Variants in ME1 observed in about 807,000 individuals in gnomAD.
The protein encoded by ME1 is NADP-dependent malic enzyme.
A neutral mutation model predicts 66.4 loss-of-function variants in ME1; 74 were observed. The ratio of observed to expected loss-of-function variants is 1.11; its 90% CI spans 0.92 to 1.35. ME1 has a LOEUF of 1.35. Among genes scored for constraint, ME1 ranks in the 40% most tolerant of loss-of-function variants. The pLI is 0.00. For missense variants in ME1, 750 were observed against 694.1 expected, an observed-to-expected ratio of 1.08 and a Z score of -0.90; for synonymous variants, 251 against 235.6, an observed-to-expected ratio of 1.07 and a Z score of -0.60.
intron 9 of ME1, among the ~76,000 whole-genome samples, chr6:83,236,095 T>C (rs1230335608): frequency 1.3e-5 from 2 of 152,114 alleles, no homozygotes; most frequent in Non-Finnish European, 2.9e-5. Context: ...TAACATTATA[T>C]TATGAATCCT....
intron 7 of ME1, among the ~76,000 whole-genome samples, chr6:83,252,644 C>T (rs998192994): frequency 2.6e-5 from 4 of 152,030 alleles, no homozygotes; most frequent in African/African-American, 9.7e-5. Flanking sequence ...GAAGTCTGGG[C>T]TGGCAATATA....
At chr6:83,300,152 T>C (rs1225956554) in intron 6 of ME1, among the ~76,000 whole-genome samples, 1 of 152,146 alleles carries the variant, frequency 6.6e-6, no homozygotes, top group African/African-American at 2.4e-5. Flanking sequence ...GGGAGAGGAC[T>C]CCCTATTCAA....
chr6:83,324,716 CAAAAAAAAAAAAAAAAA>C (rs55866196), intron 5 of ME1, among the ~76,000 whole-genome samples: 1 of 49,306 alleles, frequency 2.0e-5, no homozygotes, highest in Non-Finnish European at 3.7e-5. Context: ...GCCTACCAAC[CAAAAAAAAAAAAAAAAA>C]AAAAAAAGCC....
intron 3 of ME1, among the ~76,000 whole-genome samples, chr6:83,386,465 G>A (rs1326256007): frequency 6.6e-6 from 1 of 151,800 alleles, no homozygotes; most frequent in Non-Finnish European, 1.5e-5. Flanking sequence ...GGCAGCTCTA[G>A]TATCCAGGAC....
At chr6:83,403,694 C>G (rs1327759737) in intron 2 of ME1, among the ~76,000 whole-genome samples, 1 of 152,060 alleles carries the variant, frequency 6.6e-6, no homozygotes, top group Non-Finnish European at 1.5e-5. Context: ...ATGTTCCCCT[C>G]CCCGTGTCCA....
At chr6:83,274,799 A>C (rs1767146274) in intron 6 of ME1, among the ~76,000 whole-genome samples, 1 of 152,252 alleles carries the variant, frequency 6.6e-6, no homozygotes, top group African/African-American at 2.4e-5. Flanking sequence ...GATGCACATC[A>C]CGATCAGTGA....
chr6:83,267,657 C>T (rs1472486690), intron 6 of ME1, among the ~76,000 whole-genome samples: 1 of 152,094 alleles, frequency 6.6e-6, no homozygotes, highest in African/African-American at 2.4e-5. Flanking sequence ...GTGCAAGAAA[C>T]ATAAGTAACT....
At chr6:83,391,262 C>A (rs1464946395) in intron 3 of ME1, among the ~76,000 whole-genome samples, 3 of 152,120 alleles carry the variant, frequency 2.0e-5, no homozygotes, top group Non-Finnish European at 4.4e-5. Flanking sequence ...TACCAGACTA[C>A]AACAAGTGGC....
At chr6:83,419,305 C>T (rs1321919904) in intron 1 of ME1, among the ~76,000 whole-genome samples, 2 of 152,156 alleles carry the variant, frequency 1.3e-5, no homozygotes, top group Non-Finnish European at 2.9e-5. Flanking sequence ...TGCTTCAGAA[C>T]TAGTTTCAGA....
In ME1 at chr6:83,268,202, G is replaced by A. The variant is rs921968032; in HGVS notation, c.705-14464C>T. ...AGGCCTTCTCAAAAATAAAAAAATT[G>A]ATATTTATATAGGACAAATCCTATA... On this transcript the variant is annotated intron_variant, in intron 6 of 13. Transcript: ENST00000369705. 2.0e-5 allele frequency among the ~76,000 whole-genome samples: 3 copies of A among 151,914 alleles called. No individual in the cohort carries two copies. In the South Asian group the frequency reaches 6.2e-4, roughly 32 times the overall value.
intron 6 of ME1, among the ~76,000 whole-genome samples, chr6:83,287,584 T>C (rs1278194725): frequency 6.6e-6 from 1 of 152,222 alleles, no homozygotes; most frequent in African/African-American, 2.4e-5. Context: ...TCCAAGTCTT[T>C]GCCATTGTGA....
chr6:83,423,767 C>A (rs530971143), intron 1 of ME1, among the ~76,000 whole-genome samples: 15 of 151,816 alleles, frequency 9.9e-5, no homozygotes, highest in Middle Eastern at 6.8e-3. Flanking sequence ...TGCCCTCCTG[C>A]CTGGATGACA....
chr6:83,257,956 G>T (rs1766813632), intron 6 of ME1, among the ~76,000 whole-genome samples: 1 of 152,074 alleles, frequency 6.6e-6, no homozygotes, highest in South Asian at 2.1e-4. Flanking sequence ...AGAACTCTGT[G>T]GTCTCAGTAT....
intron 6 of ME1, among the ~76,000 whole-genome samples, chr6:83,301,513 T>C (rs1466706270): frequency 6.6e-6 from 1 of 152,006 alleles, no homozygotes; most frequent in African/African-American, 2.4e-5. Flanking sequence ...TGGCTAATTT[T>C]TGTATTTTTA....
At position 83,331,523 on chromosome 6, in the gene ME1, T is replaced by C. The variant is rs562090634; in HGVS notation, c.600+14650A>G. Among the ~76,000 whole-genome samples the C allele has an allele frequency of 7.6e-3, 1,122 of 147,722 alleles. 12 individuals carry two copies. Among genetic ancestry groups the C allele is most frequent in the African/African-American group, 0.026 (1,047 of 40,014 alleles). Reference sequence around the variant, plus strand: ...ATTGCTTGAACCCGGGAGGCGGAGGTTGCAGTGAGCTGAGATCATGCCACT... The same window carrying C: ...ATTGCTTGAACCCGGGAGGCGGAGGCTGCAGTGAGCTGAGATCATGCCACT... On this transcript the variant is annotated intron_variant, in intron 5 of 13. Transcript: ENST00000369705.
At position 83,224,345 on chromosome 6, in the gene ME1, T is replaced by A. The variant is rs145114978; in HGVS notation, c.1276-412A>T. ...GTTGGGGTTTAGGAATCGACACATT[T>A]CCAAAATAAAAACTGGGAAAATCAT... On this transcript the variant is annotated intron_variant, in intron 11 of 13. Coordinates refer to ENST00000369705, the MANE Select transcript of ME1 (RefSeq NM_002395.6). Among the ~76,000 whole-genome samples, 13 of 152,244 alleles carry A rather than the reference T, an allele frequency of 8.5e-5. No individual in the cohort carries two copies. In the East Asian group the frequency reaches 2.5e-3, roughly 29 times the overall value.
intron 3 of ME1, among the ~76,000 whole-genome samples, chr6:83,376,598 C>T (rs985293711): frequency 1.3e-5 from 2 of 149,142 alleles, no homozygotes; most frequent in African/African-American, 2.5e-5. Flanking sequence ...GCCAGGAATC[C>T]GAGACCAACC....
chr6:83,327,157 G>C (rs998133260), intron 5 of ME1, among the ~76,000 whole-genome samples: 2 of 152,160 alleles, frequency 1.3e-5, no homozygotes, highest in African/African-American at 2.4e-5. Flanking sequence ...TGTCAGCTAA[G>C]AAGGATGTAT....
intron 6 of ME1, among the ~76,000 whole-genome samples, chr6:83,260,588 GGGT>G (rs908637043): frequency 1.3e-5 from 2 of 151,998 alleles, no homozygotes; most frequent in African/African-American, 4.8e-5. Flanking sequence ...CCACCCTCTG[GGGT>G]GGTGATGAGA....
Sources: gnomAD v4.1 joint callset for allele counts (sites outside exome capture counted in the v4.1 genomes callset) on GRCh38, gnomAD v4.1.1 for gene constraint, MANE v1.5 for transcripts, NCBI Gene and HGNC (gene_info 2026-07-23, HGNC 2026-07-21) for gene names.